NSL1: variants seen among roughly 807,000 people sequenced by gnomAD.
NSL1 encodes kinetochore-associated protein NSL1 homolog.
Under a neutral mutation model 25.4 loss-of-function variants are expected in NSL1, and 11 were observed. That is an observed-to-expected ratio of 0.43 (90% CI 0.27 to 0.72). NSL1 has a LOEUF of 0.72. Among genes scored for constraint, NSL1 ranks in the 30% least tolerant of loss-of-function variants. The probability of loss-of-function intolerance (pLI) is 0.19; values close to 1 mark genes in which losing one functional copy is unlikely to be tolerated. For missense variants in NSL1, 330 were observed against 342.7 expected, an observed-to-expected ratio of 0.96 and a Z score of 0.29; for synonymous variants, 118 against 120.6, an observed-to-expected ratio of 0.98 and a Z score of 0.14.
intron 4 of NSL1, among the ~76,000 whole-genome samples, chr1:212,750,534 G>GT (rs1350003907): frequency 1.3e-5 from 2 of 152,100 alleles, no homozygotes; most frequent in Non-Finnish European, 2.9e-5. Context: ...TCCCAGAGAA[G>GT]TATCTCCGAG....
intron 4 of NSL1, among the ~76,000 whole-genome samples, chr1:212,776,328 A>G (rs1331874676): frequency 6.6e-6 from 1 of 151,690 alleles, no homozygotes; most frequent in Non-Finnish European, 1.5e-5. Context: ...GCGCCATTGC[A>G]CTCCAGCCTG....
At chr1:212,779,810 C>T (rs1421963088) in intron 4 of NSL1, among the ~76,000 whole-genome samples, 7 of 141,968 alleles carry the variant, frequency 4.9e-5, no homozygotes, top group Non-Finnish European at 1.1e-4. Context: ...CCCGGCCAGC[C>T]GCCCCGTCCG....
Position 212,791,720 on chromosome 1 carries a change from T to C in NSL1, c.44A>G (p.Asp15Gly), listed in dbSNP as rs938945991. ...PELVVLDPPWDKELAAGTESQ... is the reference protein window; with the variant it reads ...PELVVLDPPWGKELAAGTESQ... Reference sequence around the variant, plus strand: ...CTCTGTGCCAGCCGCGAGCTCCTTGTCCCATGGAGGGTCAAGGACCACCAA... The same window carrying C: ...CTCTGTGCCAGCCGCGAGCTCCTTGCCCCATGGAGGGTCAAGGACCACCAA... The change falls in exon 1 of 6, where the codon GAC becomes GGC. Residue 15 changes from aspartate (D) to glycine (G), a missense_variant. Asp to Gly is a moderately conservative substitution (Grantham distance 94). Transcript: ENST00000366977. 1.9e-6 allele frequency: 3 copies of C among 1,613,570 alleles called. No homozygotes were observed. The highest frequency in any genetic ancestry group is 1.7e-6 in the Non-Finnish European group (2 of 1,179,820).
In NSL1 at chr1:212,782,381, G is replaced by C; in HGVS notation, c.490C>G (p.Pro164Ala). The change falls in exon 4 of 6, where the codon CCT (proline) becomes GCT (alanine). Residue 164 changes from proline (P) to alanine (A), a missense_variant. Coordinates refer to ENST00000366977, the MANE Select transcript of NSL1 (RefSeq NM_015471.4). ...ATGGATACTGACTCACCTGGATCAG[G>C]GTCATATTTTAGGTCCAGTGGATGT... is the stretch of plus-strand genomic sequence containing the variant. ...VVHPLDLKYD[P>A]DPAPHMENLK... 1.2e-6 allele frequency: 2 copies of C among 1,609,164 alleles called. No individual in the cohort carries two copies. Among genetic ancestry groups the C allele is most frequent in the Non-Finnish European group, 1.7e-6 (2 of 1,175,604 alleles).
At chr1:212,786,074 C>T (rs1235236887) in intron 2 of NSL1, among the ~76,000 whole-genome samples, 3 of 150,330 alleles carry the variant, frequency 2.0e-5, no homozygotes, top group African/African-American at 7.4e-5. Flanking sequence ...TTCATTCTCC[C>T]TCCCTTCCTT....
intron 4 of NSL1, among the ~76,000 whole-genome samples, chr1:212,774,053 G>A (rs1401728677): frequency 2.0e-5 from 3 of 152,220 alleles, no homozygotes; most frequent in African/African-American, 4.8e-5. Context: ...GGGTATGTGC[G>A]GAGCGGGGAA....
At position 212,737,433 on chromosome 1, in the gene NSL1, T is replaced by G; in HGVS notation, c.*975A>C. The G allele has an allele frequency of 1.0e-6, 1 of 985,162 alleles. No homozygotes were observed. The highest frequency in any genetic ancestry group is 1.2e-6 in the Non-Finnish European group (1 of 829,746). The allele number at this position is 985,162 out of a possible 1,614,324, so 61.0% of individuals were successfully genotyped here. On this transcript the variant is annotated 3_prime_UTR_variant, in exon 6 of 6. Coordinates refer to ENST00000366977, the MANE Select transcript of NSL1 (RefSeq NM_015471.4). ...TCAGAGTCATCAAAAGGGGAAACAG[T>G]TGGTAAGTTTGATGGCCCTGCCTAC...
chr1:212,777,993 G>A (rs1356879000), intron 4 of NSL1, among the ~76,000 whole-genome samples: 1 of 152,234 alleles, frequency 6.6e-6, no homozygotes, highest in Admixed American at 6.5e-5. Context: ...TGGCTAGAGT[G>A]ATGGTAACCT....
chr1:212,786,486 A>G (rs1660952111), intron 2 of NSL1, among the ~76,000 whole-genome samples: 1 of 152,154 alleles, frequency 6.6e-6, no homozygotes, highest in Admixed American at 6.6e-5. Context: ...TCTTAGCACT[A>G]CCTAGTGATA....
Position 212,777,060 on chromosome 1 carries a change from TA to T in NSL1, c.499+5311del, listed in dbSNP as rs1184302329. On this transcript the variant is annotated intron_variant, in intron 4 of 5. Transcript: ENST00000366977. Reference sequence around the variant, plus strand: ...CTAAAAGCTGACTCTCTGAAAAGACTAAAAAAAAAAAAACAAAAACAAAAAC... The same window carrying T: ...CTAAAAGCTGACTCTCTGAAAAGACTAAAAAAAAAAAACAAAAACAAAAAC... Among the ~76,000 whole-genome samples the T allele has an allele frequency of 1.3e-3, 184 of 136,910 alleles. 1 individual carries two copies. Among genetic ancestry groups the T allele is most frequent in the Non-Finnish European group, 1.7e-3 (107 of 62,570 alleles). 89.8% of individuals were successfully genotyped at this position (136,910 alleles called of 152,430 possible).
chr1:212,774,317 T>C lies in NSL1; in HGVS notation c.499+8055A>G, dbSNP rs1242782874. ...TATCTTAAATACCTGTTTTGATCAT[T>C]ACACATTGTATATATGTATCAAAAT... On this transcript the variant is annotated intron_variant, in intron 4 of 5. Transcript: ENST00000366977. Among the ~76,000 whole-genome samples, 3 of 152,166 alleles carry C rather than the reference T, an allele frequency of 2.0e-5. No homozygotes were observed. In the East Asian group the frequency reaches 5.8e-4, roughly 29 times the overall value.
At chr1:212,779,926 AG>A (rs1172203165) in intron 4 of NSL1, among the ~76,000 whole-genome samples, 6 of 149,334 alleles carry the variant, frequency 4.0e-5, no homozygotes, top group African/African-American at 1.5e-4. Flanking sequence ...CCGGGAGGTG[AG>A]GGGCGCCTCT....
intron 4 of NSL1, among the ~76,000 whole-genome samples, chr1:212,762,837 G>A (rs1659639087): frequency 1.3e-5 from 2 of 152,226 alleles, no homozygotes; most frequent in African/African-American, 4.8e-5. Context: ...AGCCATTCCT[G>A]ACTGCATCTC....
chr1:212,777,166 G>A (rs1488430320), intron 4 of NSL1, among the ~76,000 whole-genome samples: 1 of 151,918 alleles, frequency 6.6e-6, no homozygotes, highest in Non-Finnish European at 1.5e-5. Context: ...TTGAGCCCAG[G>A]AGTTCCAGAC....
intron 4 of NSL1, among the ~76,000 whole-genome samples, chr1:212,769,598 C>T (rs1259939223): frequency 2.0e-5 from 3 of 152,118 alleles, no homozygotes; most frequent in Admixed American, 2.0e-4. Context: ...TAGACCAGCC[C>T]TCCAAAAAAT....
intron 4 of NSL1, among the ~76,000 whole-genome samples, chr1:212,745,551 G>A (rs138906768): frequency 6.3e-4 from 96 of 152,218 alleles, no homozygotes; most frequent in Non-Finnish European, 1.2e-3. Flanking sequence ...ATAGAGCACT[G>A]GGAGGATATG....
In NSL1 at chr1:212,731,891, C is replaced by G. The variant is rs1463583816; in HGVS notation, c.*6517G>C. 2 of 985,306 alleles carry G rather than the reference C, an allele frequency of 2.0e-6. No individual in the cohort carries two copies. Among genetic ancestry groups the G allele is most frequent in the African/African-American group, 3.5e-5 (2 of 57,232 alleles). 61.0% of individuals were successfully genotyped at this position (985,306 alleles called of 1,614,324 possible). On this transcript the variant is annotated 3_prime_UTR_variant, in exon 6 of 6. Coordinates refer to ENST00000366977, the MANE Select transcript of NSL1 (RefSeq NM_015471.4). ...GCTCCATGTCCTGGGACACCCTACC[C>G]TGCCCCAGGACCCAGCAGCTATAAG...
intron 4 of NSL1, chr1:212,782,076 T>A (rs768680631): frequency 1.1e-5 from 7 of 624,526 alleles, no homozygotes; most frequent in Non-Finnish European, 1.8e-5. Context: ...GATAGTACAA[T>A]GACAGAGATA....
intron 2 of NSL1, among the ~76,000 whole-genome samples, chr1:212,785,497 G>A (rs1231493566): frequency 2.0e-5 from 3 of 151,312 alleles, no homozygotes; most frequent in Non-Finnish European, 4.4e-5. Context: ...CCACTCCCCC[G>A]ACCCCACAAC....
Sources: allele counts gnomAD v4.1 joint callset (sites outside exome capture counted in the v4.1 genomes callset), GRCh38; gene constraint gnomAD v4.1.1; transcripts MANE v1.5; gene names NCBI Gene and HGNC (gene_info 2026-07-23, HGNC 2026-07-21).